Variants in PDE9A observed in about 807,000 individuals in gnomAD.
The protein encoded by PDE9A is high affinity cGMP-specific 3',5'-cyclic phosphodiesterase 9A.
In PDE9A, 60 loss-of-function variants were observed where a neutral mutation model predicts 87.4. That is an observed-to-expected ratio of 0.69 (90% CI 0.56 to 0.85). The LOEUF (loss-of-function observed/expected upper bound fraction) is 0.85. Ranked by LOEUF, PDE9A falls within the 40% of genes least tolerant of loss-of-function variation. The pLI, the probability that PDE9A is intolerant of heterozygous loss-of-function variation, is 0.00. For synonymous variants in PDE9A, 272 were observed against 279.4 expected (o/e 0.97, Z 0.27); for missense variants, 665 against 779.0 (o/e 0.85, Z 1.74).
In PDE9A at chr21:42,660,704, G is replaced by A. The variant is rs1254900023; in HGVS notation, c.69+6821G>A. On this transcript the variant is annotated intron_variant, in intron 1 of 19. Coordinates refer to ENST00000291539, the MANE Select transcript of PDE9A (RefSeq NM_002606.3). This position sits in a 1 kb window ranked among gnomAD's most constrained non-coding sequence, Gnocchi z 4.7. The stretch of plus-strand genomic sequence containing the variant: ...GTCCATCTGCAGGAGTTGGAGGAGC[G>A]CATGCCTGTATTCCTGGCACTGCGG... Among the ~76,000 whole-genome samples, 3 of 152,086 alleles carry A rather than the reference G, an allele frequency of 2.0e-5. No homozygotes were observed. The highest frequency in any genetic ancestry group is 1.9e-4 in the East Asian group (1 of 5,182).
At chr21:42,763,950 C>T (rs2056091739) in intron 14 of PDE9A, among the ~76,000 whole-genome samples, 1 of 152,174 alleles carries the variant, frequency 6.6e-6, no homozygotes, top group Non-Finnish European at 1.5e-5. Context: ...GGGACGGGGC[C>T]CTGAGGCATC....
chr21:42,716,468 A>G (rs566053113), intron 4 of PDE9A, among the ~76,000 whole-genome samples: 2 of 151,502 alleles, frequency 1.3e-5, no homozygotes, highest in East Asian at 1.9e-4. Flanking sequence ...TTATTTTGCA[A>G]TTCCCTAGTG....
chr21:42,656,573 C>G (rs534125673), intron 1 of PDE9A, among the ~76,000 whole-genome samples: 2 of 144,376 alleles, frequency 1.4e-5, no homozygotes, highest in East Asian at 4.0e-4. Context: ...TCAGAGGAGC[C>G]GCTGCAGCCA....
chr21:42,689,763 C>T (rs1602069031), intron 3 of PDE9A: 23 of 985,444 alleles, frequency 2.3e-5, no homozygotes, highest in East Asian at 2.3e-4. Flanking sequence ...TCTGGAAGCT[C>T]TCTGCTGAGA....
chr21:42,660,530 C>T lies in PDE9A; in HGVS notation c.69+6647C>T, dbSNP rs1053986274. Among the ~76,000 whole-genome samples the T allele has an allele frequency of 5.3e-5, 8 of 151,772 alleles. No individual in the cohort carries two copies. The highest frequency in any genetic ancestry group is 1.5e-4 in the African/African-American group (6 of 41,234). On this transcript the variant is annotated intron_variant, in intron 1 of 19. Coordinates refer to ENST00000291539, the MANE Select transcript of PDE9A (RefSeq NM_002606.3). The surrounding 1 kb of genome is among the most constrained non-coding windows in gnomAD (Gnocchi z 4.7). ...ACCACGCTCTGGGTACCGTGTACAC[C>T]GCTCGGGTGACAGTGCACCAGAATC...
intron 1 of PDE9A, among the ~76,000 whole-genome samples, chr21:42,657,680 G>A (rs1222815810): frequency 6.6e-6 from 1 of 152,196 alleles, no homozygotes; most frequent in Non-Finnish European, 1.5e-5. Flanking sequence ...TCCGAATCGG[G>A]GAAGAGAGAG....
Position 42,722,218 on chromosome 21 carries a change from C to T in PDE9A, c.263-9552C>T, listed in dbSNP as rs933828639. Among the ~76,000 whole-genome samples the T allele has an allele frequency of 7.2e-5, 11 of 152,078 alleles. No homozygotes were observed. The highest frequency in any genetic ancestry group is 2.1e-4 in the South Asian group (1 of 4,814). ...GTCTTGAACTTCTGACCTCATGATC[C>T]GCCCACCTCAGCCTCCAGAAGTGCT... On this transcript the variant is annotated intron_variant, in intron 4 of 19. Transcript: ENST00000291539. The surrounding 1 kb of genome is among the most constrained non-coding windows in gnomAD (Gnocchi z 4.1).
intron 1 of PDE9A, among the ~76,000 whole-genome samples, chr21:42,672,135 G>A (rs189662944): frequency 2.6e-5 from 4 of 152,344 alleles, no homozygotes; most frequent in Non-Finnish European, 2.9e-5. Context: ...TTTATTCTGA[G>A]TATGCAATCA....
At chr21:42,745,891 G>A (rs368276768) in intron 8 of PDE9A, among the ~76,000 whole-genome samples, 2 of 152,194 alleles carry the variant, frequency 1.3e-5, no homozygotes, top group Non-Finnish European at 2.9e-5. Context: ...CCTGAACAGC[G>A]GCCTCTGGGC....
intron 4 of PDE9A, among the ~76,000 whole-genome samples, chr21:42,706,909 G>A (rs1010101653): frequency 1.3e-5 from 2 of 152,154 alleles, no homozygotes; most frequent in African/African-American, 2.4e-5. Flanking sequence ...CAGGCTCCCC[G>A]CGTTGTGGCA....
chr21:42,677,386 G>A (rs936576700), intron 1 of PDE9A, among the ~76,000 whole-genome samples: 1 of 152,136 alleles, frequency 6.6e-6, no homozygotes, highest in African/African-American at 2.4e-5. Flanking sequence ...ATTTTGAAAG[G>A]TAACACAGAC....
chr21:42,718,411 A>G (rs2050164530), intron 4 of PDE9A, among the ~76,000 whole-genome samples: 1 of 151,758 alleles, frequency 6.6e-6, no homozygotes, highest in Non-Finnish European at 1.5e-5. Context: ...AATGACCTGT[A>G]TGTTAGAAAG....
At chr21:42,766,333 G>C (rs2056396647) in intron 15 of PDE9A, among the ~76,000 whole-genome samples, 1 of 151,534 alleles carries the variant, frequency 6.6e-6, no homozygotes, top group South Asian at 2.1e-4. Context: ...TCAGATAACA[G>C]AGAGAGAGAG....
At chr21:42,766,865 G>A (rs1246195195) in intron 15 of PDE9A, among the ~76,000 whole-genome samples, 1 of 152,190 alleles carries the variant, frequency 6.6e-6, no homozygotes, top group African/African-American at 2.4e-5. Flanking sequence ...CTCTGAGGTG[G>A]GAGGAGAGGT....
intron 3 of PDE9A, chr21:42,689,734 A>T (rs1015852808): frequency 9.1e-6 from 9 of 985,312 alleles, no homozygotes; most frequent in Non-Finnish European, 1.1e-5. Context: ...AGCCCTCCTG[A>T]GCCCAAAGAG....
At chr21:42,686,552 C>T (rs2059486041) in intron 2 of PDE9A, among the ~76,000 whole-genome samples, 1 of 152,244 alleles carries the variant, frequency 6.6e-6, no homozygotes, top group South Asian at 2.1e-4. Flanking sequence ...TGGTGTCTCA[C>T]ACCTGTAATC....
rs2057337572 is a variant in PDE9A at position 42,659,673 on chromosome 21, G to C, written c.69+5790G>C. Among the ~76,000 whole-genome samples, 1 of 152,166 alleles carries C rather than the reference G, an allele frequency of 6.6e-6. No individual in the cohort carries two copies. Among genetic ancestry groups the C allele is most frequent in the South Asian group, 2.1e-4 (1 of 4,824 alleles). The stretch of plus-strand genomic sequence containing the variant: ...GCAGCACCTTCCTGTCACTTGTCTT[G>C]TCACTCCCCGAGTCCACTGTGAGCT... On this transcript the variant is annotated intron_variant, in intron 1 of 19. Transcript: ENST00000291539. The surrounding 1 kb of genome is among the most constrained non-coding windows in gnomAD (Gnocchi z 4.1).
intron 4 of PDE9A, among the ~76,000 whole-genome samples, chr21:42,726,440 T>C (rs1295769650): frequency 6.6e-6 from 1 of 151,516 alleles, no homozygotes; most frequent in Non-Finnish European, 1.5e-5. Context: ...TATAGTTTCA[T>C]GTTTTACATC....
At chr21:42,687,860 A>G (rs1313299445) in intron 2 of PDE9A, 57 bp from the exon 3 acceptor site, 1 of 1,439,242 alleles carries the variant, frequency 6.9e-7, no homozygotes, top group Non-Finnish European at 9.8e-7. Context: ...TGTACATTCA[A>G]GTGTACATCC....
Sources: gnomAD v4.1 joint callset for allele counts (sites outside exome capture counted in the v4.1 genomes callset) on GRCh38, gnomAD v4.1.1 for gene constraint, Gnocchi (gnomAD v3.1) non-coding constraint, MANE v1.5 for transcripts, NCBI Gene and HGNC (gene_info 2026-07-23, HGNC 2026-07-21) for gene names.